The following PTCHD4 variants were observed in gnomAD, a reference collection of about 807,000 sequenced individuals.
PTCHD4 encodes patched domain-containing protein 4.
Under a neutral mutation model 58.1 loss-of-function variants are expected in PTCHD4, and 33 were observed. That is an observed-to-expected ratio of 0.57 (90% confidence interval 0.43 to 0.76). The LOEUF is 0.76. Among genes scored for constraint, PTCHD4 ranks in the 30% least tolerant of loss-of-function variants. The probability of loss-of-function intolerance (pLI) is 0.00; values close to 1 mark genes in which losing one functional copy is unlikely to be tolerated. For synonymous variants in PTCHD4, 478 were observed against 409.6 expected (o/e 1.17, Z -2.02); for missense variants, 1,058 against 1,027.1 (o/e 1.03, Z -0.41).
At chr6:48,034,017 C>A (rs1412995185) in intron 3 of PTCHD4, among the ~76,000 whole-genome samples, 1 of 152,036 alleles carries the variant, frequency 6.6e-6, no homozygotes, top group Non-Finnish European at 1.5e-5. Context: ...AATCTGTTAC[C>A]TTGGAAAGCA....
At chr6:48,040,052 T>G (rs1204615122) in intron 3 of PTCHD4, among the ~76,000 whole-genome samples, 1 of 152,100 alleles carries the variant, frequency 6.6e-6, no homozygotes, top group Non-Finnish European at 1.5e-5. Flanking sequence ...GATTAGTGGA[T>G]GTCACTTTGA....
chr6:47,977,915 C>T (rs1156556543), intron 4 of PTCHD4, among the ~76,000 whole-genome samples: 1 of 152,260 alleles, frequency 6.6e-6, no homozygotes, highest in African/African-American at 2.4e-5. Flanking sequence ...TCCGTGCCCT[C>T]TCGACTAACA....
chr6:47,898,694 A>G (rs181123739), intron 4 of PTCHD4, among the ~76,000 whole-genome samples: 36 of 152,322 alleles, frequency 2.4e-4, no homozygotes, highest in Admixed American at 1.3e-3. Flanking sequence ...CTACCTCCCA[A>G]CTTGATGTAG....
intron 3 of PTCHD4, among the ~76,000 whole-genome samples, chr6:48,017,707 G>A (rs1392613580): frequency 6.6e-6 from 1 of 152,228 alleles, no homozygotes; most frequent in East Asian, 1.9e-4. Flanking sequence ...GGGACCAAGA[G>A]AGAGGATACA....
intron 3 of PTCHD4, among the ~76,000 whole-genome samples, chr6:48,021,775 A>G (rs1372610707): frequency 6.6e-6 from 1 of 152,084 alleles, no homozygotes; most frequent in Non-Finnish European, 1.5e-5. Context: ...TTGCTGTCTA[A>G]GGTTATATCA....
chr6:47,889,405 C>G (rs934529835), intron 4 of PTCHD4, among the ~76,000 whole-genome samples: 2 of 149,312 alleles, frequency 1.3e-5, no homozygotes, highest in African/African-American at 4.9e-5. Flanking sequence ...TCTCTGATGG[C>G]CAGTGATGAT....
chr6:47,905,987 C>A (rs573925128), intron 4 of PTCHD4, among the ~76,000 whole-genome samples: 62 of 152,312 alleles, frequency 4.1e-4, no homozygotes, highest in African/African-American at 1.4e-3. Context: ...CCCCTGGGGG[C>A]CCATCAATTT....
chr6:47,986,374 A>G (rs974043238), intron 4 of PTCHD4, among the ~76,000 whole-genome samples: 3 of 152,194 alleles, frequency 2.0e-5, no homozygotes, highest in African/African-American at 7.2e-5. Flanking sequence ...AGTTATTATT[A>G]CATCTTCATT....
chr6:47,937,937 G>A (rs1766063643), intron 4 of PTCHD4, among the ~76,000 whole-genome samples: 1 of 152,144 alleles, frequency 6.6e-6, no homozygotes, highest in Non-Finnish European at 1.5e-5. Context: ...TGGATAACCT[G>A]AGGTCAGGAG....
intron 4 of PTCHD4, among the ~76,000 whole-genome samples, chr6:47,981,066 C>T (rs1354306457): frequency 6.6e-6 from 1 of 152,080 alleles, no homozygotes; most frequent in Non-Finnish European, 1.5e-5. Flanking sequence ...TTACTGCAAG[C>T]AGGAGATCAC....
At chr6:48,105,150 T>C (rs891852677) in intron 1 of PTCHD4, among the ~76,000 whole-genome samples, 1 of 152,188 alleles carries the variant, frequency 6.6e-6, no homozygotes, top group African/African-American at 2.4e-5. Context: ...AGAATATACA[T>C]TCTTTTCAGC....
chr6:48,099,153 C>T (rs1273830811), intron 1 of PTCHD4, among the ~76,000 whole-genome samples: 1 of 152,160 alleles, frequency 6.6e-6, no homozygotes, highest in Admixed American at 6.5e-5. Context: ...GGACCTGATC[C>T]AGATTACTAA....
At chr6:48,011,593 A>T (rs1183582495) in intron 3 of PTCHD4, among the ~76,000 whole-genome samples, 1 of 151,996 alleles carries the variant, frequency 6.6e-6, no homozygotes, top group Admixed American at 6.6e-5. Flanking sequence ...CCCATTTGTC[A>T]ATTTTGGCTT....
chr6:47,879,465 T>C lies in PTCHD4; in HGVS notation c.1370A>G (p.Asn457Ser), dbSNP rs1264071879. The C allele has an allele frequency of 6.2e-7, 1 of 1,613,520 alleles. No individual in the cohort carries two copies. Among genetic ancestry groups the C allele is most frequent in the Non-Finnish European group, 8.5e-7 (1 of 1,179,636 alleles). ...LREHYNEWIT[N>S]IYVKPFVVIL... ...GACAACAAATGGCTTCACATATATA[T>C]TGGTAATCCATTCATTATAATGTTC... Residue 457 changes from asparagine to serine, a missense_variant, in exon 5 of 5, where the codon AAT becomes AGT. Physicochemically the swap from Asn to Ser is conservative, Grantham distance 46. Transcript: ENST00000339488.
intron 3 of PTCHD4, among the ~76,000 whole-genome samples, chr6:48,022,664 A>G (rs1165692496): frequency 6.6e-6 from 1 of 152,044 alleles, no homozygotes; most frequent in African/African-American, 2.4e-5. Flanking sequence ...GGCTGATGTG[A>G]TGTATTTTAG....
chr6:48,105,061 A>C (rs1218084910), intron 1 of PTCHD4, among the ~76,000 whole-genome samples: 1 of 152,198 alleles, frequency 6.6e-6, no homozygotes, highest in African/African-American at 2.4e-5. Context: ...AAAGTTAACA[A>C]GGATATCCAG....
intron 3 of PTCHD4, among the ~76,000 whole-genome samples, chr6:48,015,513 C>T (rs1030356203): frequency 6.6e-6 from 1 of 151,828 alleles, no homozygotes; most frequent in African/African-American, 2.4e-5. Context: ...CTTGAAGAAA[C>T]CAAGTTAATT....
rs905606274 is a variant in PTCHD4 at position 48,030,610 on chromosome 6, C to G, written c.418-21496G>C. Among the ~76,000 whole-genome samples the G allele has an allele frequency of 3.3e-5, 5 of 152,238 alleles. No homozygotes were observed. In the East Asian group the frequency reaches 9.7e-4, roughly 29 times the overall value. ...CATGTCTGCTGCTGTGTAGGCCACT[C>G]AGAACATTCACCAGAATACCCAGTA... On this transcript the variant is annotated intron_variant, in intron 3 of 4. Transcript: ENST00000339488.
intron 3 of PTCHD4, among the ~76,000 whole-genome samples, chr6:48,053,737 C>A (rs1011246082): frequency 6.6e-6 from 1 of 152,032 alleles, no homozygotes; most frequent in African/African-American, 2.4e-5. Flanking sequence ...AGGAGCATAG[C>A]AAATTGATTA....
Sources: gnomAD v4.1 joint callset for allele counts (sites outside exome capture counted in the v4.1 genomes callset) on GRCh38, gnomAD v4.1.1 for gene constraint, MANE v1.5 for transcripts, NCBI Gene and HGNC (gene_info 2026-07-23, HGNC 2026-07-21) for gene names.